RNF38: variants seen among roughly 807,000 people sequenced by gnomAD.
The protein encoded by RNF38 is ring finger protein 38, also known as E3 ubiquitin-protein ligase RNF38.
RNF38 carries 15 observed loss-of-function variants against 67.2 expected under a neutral mutation model. The observed-to-expected ratio is 0.22, with a 90% CI of 0.15 to 0.34. The LOEUF (loss-of-function observed/expected upper bound fraction) is 0.34. Ranked by LOEUF, RNF38 falls within the 10% of genes least tolerant of loss-of-function variation. RNF38 has a pLI of 1.00. For missense variants in RNF38, 524 were observed against 639.9 expected, an observed-to-expected ratio of 0.82 and a Z score of 1.95; for synonymous variants, 220 against 218.8, an observed-to-expected ratio of 1.01 and a Z score of -0.05.
chr9:36,482,982 T>C (rs1277261930), intron 1 of RNF38, among the ~76,000 whole-genome samples: 2 of 152,170 alleles, frequency 1.3e-5, no homozygotes, highest in Non-Finnish European at 2.9e-5. Flanking sequence ...CCACACCAGG[T>C]ACTCATCTTG....
intron 2 of RNF38, among the ~76,000 whole-genome samples, chr9:36,414,894 T>C (rs1838422280): frequency 6.6e-6 from 1 of 152,212 alleles, no homozygotes; most frequent in Admixed American, 6.5e-5. Context: ...CAATCCCTTC[T>C]AGCTTGCAGG....
intron 1 of RNF38, among the ~76,000 whole-genome samples, chr9:36,448,849 CAAAAA>C (rs1281261446): frequency 6.6e-6 from 1 of 151,408 alleles, no homozygotes; most frequent in Admixed American, 6.6e-5. Flanking sequence ...ATTAAAAATA[CAAAAA>C]AATTAGCTGG....
intron 2 of RNF38, among the ~76,000 whole-genome samples, chr9:36,379,425 A>G (rs1442904730): frequency 6.6e-6 from 1 of 152,204 alleles, no homozygotes; most frequent in Non-Finnish European, 1.5e-5. Context: ...TATAGCAGAA[A>G]CAGATGCTAA....
upstream of RNF38, among the ~76,000 whole-genome samples, chr9:36,406,160 G>A (rs890307381): frequency 6.6e-6 from 1 of 152,192 alleles, no homozygotes; most frequent in Non-Finnish European, 1.5e-5. Flanking sequence ...ATGTTGGGGG[G>A]AAGAATGGAT....
At chr9:36,449,657 G>A (rs10972908) in intron 1 of RNF38, among the ~76,000 whole-genome samples, 30,078 of 151,994 alleles carry the variant, frequency 0.2, 3,117 homozygotes, top group Admixed American at 0.25. Context: ...GGATGGTCTC[G>A]ATCTCCGAAT....
At chr9:36,439,699 A>G (rs1164458369) in intron 1 of RNF38, among the ~76,000 whole-genome samples, 3 of 150,850 alleles carry the variant, frequency 2.0e-5, no homozygotes, top group Non-Finnish European at 3.0e-5. Flanking sequence ...CAGCTACTAG[A>G]GAAATCGCTT....
chr9:36,435,145 C>T (rs1839032936), intron 1 of RNF38, among the ~76,000 whole-genome samples: 1 of 152,188 alleles, frequency 6.6e-6, no homozygotes, highest in Non-Finnish European at 1.5e-5. Flanking sequence ...AAACTGATCA[C>T]ACTGTCTCTA....
chr9:36,438,403 A>G (rs1253534761), intron 1 of RNF38, among the ~76,000 whole-genome samples: 2 of 151,984 alleles, frequency 1.3e-5, no homozygotes, highest in African/African-American at 4.8e-5. Flanking sequence ...TAAAACATTA[A>G]GAGACTTTTT....
chr9:36,454,427 C>T (rs545158132), intron 1 of RNF38, among the ~76,000 whole-genome samples: 35 of 152,094 alleles, frequency 2.3e-4, no homozygotes, highest in African/African-American at 7.5e-4. Context: ...CCACGCCCAG[C>T]CTCTATCATA....
rs570654909 is a variant in RNF38, at chr9:36,398,912, A to G, written c.12+1185T>C. 5.3e-5 allele frequency among the ~76,000 whole-genome samples: 8 copies of G among 152,320 alleles called. No individual in the cohort carries two copies. In the East Asian group the frequency reaches 5.8e-4, roughly 11 times the overall value. ...CCTAATCATTTCAGAAACTTTTATC[A>G]TAAGAATTTCTCACCCACACTTTCC... On this transcript the variant is annotated intron_variant, in intron 1 of 11. Transcript: ENST00000259605.
chr9:36,416,225 T>TG (rs1372876321), intron 2 of RNF38, among the ~76,000 whole-genome samples: 1 of 109,216 alleles, frequency 9.2e-6, no homozygotes, highest in African/African-American at 3.6e-5. Context: ...GGATGGGGGA[T>TG]GGGGGTGTGA....
intron 3 of RNF38, 51 bp from the exon 4 acceptor site, chr9:36,369,983 G>C (rs1835256377): frequency 6.9e-7 from 1 of 1,453,232 alleles, no homozygotes; most frequent in African/African-American, 1.4e-5. Flanking sequence ...GATCCATCAG[G>C]ATTCTGTATT....
upstream of RNF38, among the ~76,000 whole-genome samples, chr9:36,401,663 TAAA>T (rs1838040255): frequency 6.6e-6 from 1 of 151,664 alleles, no homozygotes; most frequent in African/African-American, 2.4e-5. Context: ...AGAGAGAAAA[TAAA>T]AATTTCCACA....
chr9:36,438,688 T>C (rs528360419), intron 1 of RNF38, among the ~76,000 whole-genome samples: 1 of 152,258 alleles, frequency 6.6e-6, no homozygotes, highest in South Asian at 2.1e-4. Context: ...GGCATTTACT[T>C]ATACAAAGCT....
chr9:36,466,833 A>G (rs1839871011), intron 1 of RNF38, among the ~76,000 whole-genome samples: 1 of 152,002 alleles, frequency 6.6e-6, no homozygotes, highest in East Asian at 1.9e-4. Context: ...TTTGCCATGT[A>G]TATTTTTGTA....
chr9:36,368,867 G>C (rs35707497), intron 4 of RNF38, among the ~76,000 whole-genome samples: 1 of 151,572 alleles, frequency 6.6e-6, no homozygotes, highest in Admixed American at 6.6e-5. Context: ...TTTTTATAAG[G>C]ACATGCTTAG....
rs150792524 is a variant in RNF38 at position 36,468,929 on chromosome 9, C to T, written n.241+18379G>A. Among the ~76,000 whole-genome samples the T allele has an allele frequency of 2.0e-3, 298 of 151,510 alleles. 1 individual carries two copies. The highest frequency in any genetic ancestry group is 6.8e-3 in the Middle Eastern group (2 of 294). On this transcript the variant is annotated intron_variant and non_coding_transcript_variant, in intron 1 of 3. Transcript: ENST00000488058. The stretch of plus-strand genomic sequence containing the variant: ...GAGTTCAAGACCAGCCTGACCAATA[C>T]GGTGAAACCCTGTCTCTATTAAAAA...
intron 1 of RNF38, among the ~76,000 whole-genome samples, chr9:36,482,588 G>A (rs1200590368): frequency 2.0e-5 from 3 of 151,884 alleles, no homozygotes; most frequent in Non-Finnish European, 4.4e-5. Flanking sequence ...CCTGACCTCA[G>A]GTGATCCACC....
chr9:36,406,423 A>C (rs1838184186), intron 2 of RNF38, among the ~76,000 whole-genome samples: 1 of 152,212 alleles, frequency 6.6e-6, no homozygotes, highest in Non-Finnish European at 1.5e-5. Flanking sequence ...TCCACATCCA[A>C]GTATCCCTAC....
Sources: allele counts gnomAD v4.1 joint callset (sites outside exome capture counted in the v4.1 genomes callset), GRCh38; gene constraint gnomAD v4.1.1; transcripts MANE v1.5; gene names NCBI Gene and HGNC (gene_info 2026-07-23, HGNC 2026-07-21).